Variants in HERC4 observed in about 807,000 individuals in gnomAD.
HERC4 encodes the protein probable E3 ubiquitin-protein ligase HERC4.
HERC4 carries 28 observed loss-of-function variants against 124.3 expected under a neutral mutation model. The ratio of observed to expected loss-of-function variants is 0.23; its 90% confidence interval spans 0.17 to 0.31. HERC4 has a LOEUF of 0.31. HERC4 is among the 10% of genes least tolerant of loss of function. The pLI is 1.00. For synonymous variants in HERC4, 407 were observed against 421.5 expected (o/e 0.97, Z 0.42); for missense variants, 713 against 1,229.3 (o/e 0.58, Z 6.28).
intron 24 of HERC4, among the ~76,000 whole-genome samples, chr10:67,924,828 CCA>C (rs1257511576): frequency 3.9e-5 from 6 of 152,146 alleles, no homozygotes; most frequent in Admixed American, 6.5e-5. Context: ...TTTATTGTAA[CCA>C]CAGTTTATTG....
chr10:67,927,415 TATATATA>T lies in HERC4; in HGVS notation c.2839-2235_2839-2229del, dbSNP rs2031191279. Among the ~76,000 whole-genome samples, 21 of 12,442 alleles carry T rather than the reference TATATATA, an allele frequency of 1.7e-3. 1 individual carries two copies. The highest frequency in any genetic ancestry group is 4.1e-3 in the East Asian group (4 of 972). 8.2% of individuals were successfully genotyped at this position (12,442 alleles called of 152,430 possible). A position where few individuals can be genotyped will look rare whatever the true frequency, so the allele number is the denominator to read the frequency against. On this transcript the variant is annotated intron_variant, in intron 23 of 24. Coordinates refer to ENST00000373700, the MANE Select transcript of HERC4 (RefSeq NM_015601.4). ...ATATATATATATATATATATATATA[TATATATA>T]TATATATATTTTTTTTTTTTTTTAG...
At chr10:67,985,561 A>T (rs1056077676) in intron 15 of HERC4, among the ~76,000 whole-genome samples, 1 of 152,230 alleles carries the variant, frequency 6.6e-6, no homozygotes, top group East Asian at 1.9e-4. Context: ...TACATAAAAT[A>T]GTTTGAAAAT....
chr10:68,033,912 A>G, intron 6 of HERC4, 53 bp downstream of exon 6: 1 of 1,446,352 alleles, frequency 6.9e-7, no homozygotes, highest in Non-Finnish European at 9.7e-7. Context: ...ATCTAACTCA[A>G]AAGACCATCT....
Position 68,072,901 on chromosome 10 carries a change from T to G in HERC4, c.208A>C (p.Lys70Gln). 2 of 1,570,388 alleles carry G rather than the reference T, an allele frequency of 1.3e-6. No homozygotes were observed. The highest frequency in any genetic ancestry group is 1.7e-6 in the Non-Finnish European group (2 of 1,160,466). Reference protein sequence around the residue: ...CNDLGQLGHEKSRKKPEQVVA... With the variant: ...CNDLGQLGHEQSRKKPEQVVA... ...AACTTACCTGGTTTCTTTCTGGATT[T>G]TTCATGACCTAGCTGTCCTAGATCA... Residue 70 changes from lysine (K) to glutamine (Q), a missense_variant, in exon 3 of 25, where the codon AAA (lysine) becomes CAA (glutamine). Coordinates refer to ENST00000373700, the MANE Select transcript of HERC4 (RefSeq NM_015601.4).
intron 3 of HERC4, chr10:68,068,486 CAAAAA>C (rs34779824): frequency 9.8e-5 from 7 of 71,102 alleles, no homozygotes; most frequent in Non-Finnish European, 1.7e-4. Context: ...GACTCCGTTT[CAAAAA>C]AAAAAAAAAA....
chr10:67,939,680 A>T, intron 20 of HERC4, 26 bp from the exon 21 acceptor site: 1 of 1,445,992 alleles, frequency 6.9e-7, no homozygotes, highest in Non-Finnish European at 9.6e-7. Context: ...TATGTTTCTG[A>T]GAGGAAAAAA....
At chr10:67,952,944 A>G (rs1390410854) in intron 19 of HERC4, among the ~76,000 whole-genome samples, 2 of 151,954 alleles carry the variant, frequency 1.3e-5, no homozygotes, top group African/African-American at 4.8e-5. Context: ...CACAAATAAT[A>G]TAAAGAACTC....
intron 8 of HERC4, among the ~76,000 whole-genome samples, chr10:68,021,542 C>T (rs1392957249): frequency 6.6e-6 from 1 of 152,210 alleles, no homozygotes; most frequent in Non-Finnish European, 1.5e-5. Context: ...CGTGCAGTGG[C>T]TCATGCCTGT....
At position 67,988,924 on chromosome 10, in the gene HERC4, T is replaced by C. The variant is rs2036409782; in HGVS notation, c.1634-89A>G. The C allele has an allele frequency of 4.9e-6, 5 of 1,028,784 alleles. 1 individual carries two copies. Among genetic ancestry groups the C allele is most frequent in the Non-Finnish European group, 7.4e-6 (5 of 678,758 alleles). The allele number at this position is 1,028,784 out of a possible 1,614,324, so 63.7% of individuals were successfully genotyped here. Reference sequence around the variant, plus strand: ...CATACTGACTTTTTTTCTGAAACAGTAGTTGTTAAACCTGAGAAAACCCCA... The same window carrying C: ...CATACTGACTTTTTTTCTGAAACAGCAGTTGTTAAACCTGAGAAAACCCCA... On this transcript the variant is annotated intron_variant, in intron 14 of 24. Transcript: ENST00000373700.
At chr10:68,036,378 TA>T (rs2039469132) in intron 5 of HERC4, among the ~76,000 whole-genome samples, 1 of 147,886 alleles carries the variant, frequency 6.8e-6, no homozygotes, top group Non-Finnish European at 1.5e-5. Context: ...CAAAGCTGAG[TA>T]AACAAACAAA....
chr10:68,001,540 A>T (rs1339465195), intron 9 of HERC4, among the ~76,000 whole-genome samples: 2 of 152,196 alleles, frequency 1.3e-5, no homozygotes, highest in Non-Finnish European at 2.9e-5. Flanking sequence ...GCTTGAGTAC[A>T]GTGCAAAAAG....
chr10:67,987,507 T>A (rs1026459027), intron 15 of HERC4, among the ~76,000 whole-genome samples: 1 of 152,098 alleles, frequency 6.6e-6, no homozygotes, highest in African/African-American at 2.4e-5. Flanking sequence ...CACAGAAAGG[T>A]AGAGACCCAT....
rs1278540018 is a variant in HERC4, at chr10:68,006,386, T to G, written c.1069+7640A>C. On this transcript the variant is annotated intron_variant, in intron 9 of 24. Transcript: ENST00000373700. ...TTGTTTTTGTTTTTGTTTTTTTTTT[T>G]TTTTTGAGACAGTTTCCTCTTGCTG... Among the ~76,000 whole-genome samples, 23 of 151,580 alleles carry G rather than the reference T, an allele frequency of 1.5e-4. No individual in the cohort carries two copies. The East Asian group carries it at 1.5e-3, about 10-fold the overall frequency.
chr10:68,031,810 G>C (rs1589375310), intron 7 of HERC4, among the ~76,000 whole-genome samples: 1 of 152,234 alleles, frequency 6.6e-6, no homozygotes, highest in East Asian at 1.9e-4. Flanking sequence ...CTGCAGTGCA[G>C]TGGTGTGATC....
chr10:67,936,096 G>T, intron 22 of HERC4, 57 bp downstream of exon 22: 1 of 1,155,488 alleles, frequency 8.7e-7, no homozygotes, highest in South Asian at 1.4e-5. Flanking sequence ...TCTACGTACA[G>T]AAGAAAATGT....
chr10:67,971,969 T>C (rs772482803), intron 15 of HERC4, among the ~76,000 whole-genome samples: 1 of 152,058 alleles, frequency 6.6e-6, no homozygotes, highest in Non-Finnish European at 1.5e-5. Context: ...ATCTCAGCAC[T>C]TTGGGAGGCT....
intron 16 of HERC4, chr10:67,964,815 C>T (rs2034756360): frequency 6.6e-6 from 1 of 151,972 alleles, no homozygotes; most frequent in Non-Finnish European, 1.5e-5. Flanking sequence ...CACTGTCGCC[C>T]ATGCTGGAGT....
chr10:67,927,426 ATATAT>A (rs2031224495), intron 23 of HERC4, among the ~76,000 whole-genome samples: 1 of 8,854 alleles, frequency 1.1e-4, no homozygotes, highest in African/African-American at 2.7e-4. Flanking sequence ...ATATATATAT[ATATAT>A]TTTTTTTTTT....
At chr10:67,991,102 A>G in intron 12 of HERC4, 38 bp downstream of exon 12, 2 of 1,441,646 alleles carry the variant, frequency 1.4e-6, no homozygotes, top group Non-Finnish European at 9.3e-7. Context: ...AAGACAATAA[A>G]TTTGAAAATT....
Sources: gnomAD v4.1 joint callset for allele counts (sites outside exome capture counted in the v4.1 genomes callset) on GRCh38, gnomAD v4.1.1 for gene constraint, MANE v1.5 for transcripts, NCBI Gene and HGNC (gene_info 2026-07-23, HGNC 2026-07-21) for gene names.